Variants in PDE8B observed in about 807,000 individuals in gnomAD.
PDE8B encodes the protein phosphodiesterase 8B.
Under a neutral mutation model 101.3 loss-of-function variants are expected in PDE8B, and 26 were observed. The observed-to-expected ratio is 0.26, with a 90% CI of 0.19 to 0.36. PDE8B has a LOEUF of 0.36. Among genes scored for constraint, PDE8B ranks in the 10% least tolerant of loss-of-function variants. PDE8B has a pLI of 1.00. For missense variants in PDE8B, 810 were observed against 1,163.1 expected (o/e 0.70, Z 4.42); for synonymous variants, 424 against 429.3 (o/e 0.99, Z 0.15).
chr5:77,334,723 C>A (rs1777797559), intron 5 of PDE8B, among the ~76,000 whole-genome samples: 1 of 152,216 alleles, frequency 6.6e-6, no homozygotes, highest in Non-Finnish European at 1.5e-5. Flanking sequence ...TGCCAGAGCT[C>A]ACACTCATGA....
the PDE8B span, chr5:77,146,372 G>GT: frequency 0.11 from 16,980 of 152,414 alleles, 1,536 homozygotes; most frequent in African/African-American, 0.25. Context: ...CTCGCCATGA[G>GT]TGTGGATGGA....
At chr5:77,309,712 C>T (rs1199865888) in intron 1 of PDE8B, among the ~76,000 whole-genome samples, 4 of 151,958 alleles carry the variant, frequency 2.6e-5, no homozygotes, top group African/African-American at 7.3e-5. Context: ...CTCCACCTCC[C>T]GAGTTCAAGC....
chr5:77,119,870 C>A, the PDE8B span, among the ~76,000 whole-genome samples: 1 of 151,856 alleles, frequency 6.6e-6, no homozygotes, highest in African/African-American at 2.4e-5. Context: ...ATTAGCCAGG[C>A]ATGGTGGCAC....
At chr5:77,418,014 CTG>C (rs1265827779) in intron 17 of PDE8B, among the ~76,000 whole-genome samples, 7 of 152,212 alleles carry the variant, frequency 4.6e-5, no homozygotes, top group South Asian at 2.1e-4. Flanking sequence ...TCTGCTGTAA[CTG>C]TGGCTCAGGT....
the PDE8B span, among the ~76,000 whole-genome samples, chr5:77,123,366 C>T: frequency 6.7e-6 from 1 of 148,928 alleles, no homozygotes; most frequent in Non-Finnish European, 1.5e-5. Context: ...TCCCCCACCG[C>T]CCCCCGCTTA....
the PDE8B span, among the ~76,000 whole-genome samples, chr5:77,097,907 A>G: frequency 6.7e-6 from 1 of 150,308 alleles, no homozygotes; most frequent in African/African-American, 2.4e-5. Context: ...TGGTGGGTGA[A>G]TGATCCCGTA....
chr5:77,425,390 T>G (rs980975921), intron 20 of PDE8B, among the ~76,000 whole-genome samples: 1 of 152,088 alleles, frequency 6.6e-6, no homozygotes, highest in African/African-American at 2.4e-5. Context: ...GTGAAACCCC[T>G]TCTCTACTAA....
chr5:77,209,661 A>G (rs1218965565), upstream of PDE8B, among the ~76,000 whole-genome samples: 3 of 152,196 alleles, frequency 2.0e-5, no homozygotes, highest in Admixed American at 6.5e-5. Flanking sequence ...CAGTCTGTGC[A>G]TGCCTCACCA....
At chr5:77,275,116 T>G (rs533605162) in intron 1 of PDE8B, among the ~76,000 whole-genome samples, 1 of 152,312 alleles carries the variant, frequency 6.6e-6, no homozygotes, top group East Asian at 1.9e-4. Flanking sequence ...TCCCAGCTAC[T>G]TGGGAGGCTG....
the PDE8B span, among the ~76,000 whole-genome samples, chr5:77,150,921 CTA>C: frequency 1.3e-5 from 2 of 152,244 alleles, no homozygotes; most frequent in African/African-American, 4.8e-5. Flanking sequence ...TGTCTGCCCC[CTA>C]ACCTGTGTCT....
At chr5:77,340,482 T>G (rs1171376325) in intron 6 of PDE8B, among the ~76,000 whole-genome samples, 1 of 152,136 alleles carries the variant, frequency 6.6e-6, no homozygotes, top group Non-Finnish European at 1.5e-5. Flanking sequence ...TCTCACCTCT[T>G]CCACTCCCTG....
intron 17 of PDE8B, among the ~76,000 whole-genome samples, chr5:77,415,776 C>A (rs1271951379): frequency 6.6e-6 from 1 of 152,198 alleles, no homozygotes; most frequent in Non-Finnish European, 1.5e-5. Flanking sequence ...CCCCATGTTA[C>A]CCAATTCCAG....
At chr5:77,271,809 A>G (rs1458520472) in intron 1 of PDE8B, among the ~76,000 whole-genome samples, 1 of 152,188 alleles carries the variant, frequency 6.6e-6, no homozygotes, top group African/African-American at 2.4e-5. Context: ...TCTGATTTCC[A>G]CAGCAGCCAC....
chr5:77,245,737 G>T (rs1452163485), intron 1 of PDE8B, among the ~76,000 whole-genome samples: 1 of 151,708 alleles, frequency 6.6e-6, no homozygotes, highest in Non-Finnish European at 1.5e-5. Flanking sequence ...AGGAAACTGA[G>T]GTTTAGTATT....
chr5:77,140,106 G>A, the PDE8B span: 4 of 152,202 alleles, frequency 2.6e-5, no homozygotes, highest in South Asian at 2.1e-4. Flanking sequence ...GCATCCTACC[G>A]ATATCACCAA....
At chr5:77,291,126 G>T in intron 1 of PDE8B, 1 of 1,611,096 alleles carries the variant, frequency 6.2e-7, no homozygotes, top group South Asian at 1.1e-5. Flanking sequence ...CAGCTTAGTT[G>T]TTCCATCAGC....
At chr5:77,386,685 G>A (rs1397340493) in intron 10 of PDE8B, among the ~76,000 whole-genome samples, 3 of 151,948 alleles carry the variant, frequency 2.0e-5, no homozygotes, top group Admixed American at 6.6e-5. Flanking sequence ...CACATGAGAT[G>A]AGTCTCCTGA....
chr5:77,309,623 G>A (rs945902913), intron 1 of PDE8B, among the ~76,000 whole-genome samples: 1 of 151,830 alleles, frequency 6.6e-6, no homozygotes, highest in Non-Finnish European at 1.5e-5. Flanking sequence ...ATACTAAATT[G>A]GTTTCACTTT....
intron 1 of PDE8B, among the ~76,000 whole-genome samples, chr5:77,213,032 GAAGA>G (rs1748842526): frequency 6.6e-6 from 1 of 152,152 alleles, no homozygotes; most frequent in Non-Finnish European, 1.5e-5. Flanking sequence ...TTGTTCAGTA[GAAGA>G]AAGAATACTG....
Sources: allele counts gnomAD v4.1 joint callset (sites outside exome capture counted in the v4.1 genomes callset), GRCh38; gene constraint gnomAD v4.1.1; transcripts MANE v1.5; gene names NCBI Gene and HGNC (gene_info 2026-07-23, HGNC 2026-07-21).